SHANK2: variants seen among roughly 807,000 people sequenced by gnomAD.
SHANK2 encodes SH3 and multiple ankyrin repeat domains protein 2.
Under a neutral mutation model 133.7 loss-of-function variants are expected in SHANK2, and 43 were observed. The observed-to-expected ratio is 0.32, with a 90% CI of 0.25 to 0.41. The LOEUF (loss-of-function observed/expected upper bound fraction) is 0.41, where lower values mean the gene tolerates loss of function less well. Among genes scored for constraint, SHANK2 ranks in the 10% least tolerant of loss-of-function variants. The probability of loss-of-function intolerance (pLI) is 1.00; values close to 1 mark genes in which losing one functional copy is unlikely to be tolerated. For missense variants in SHANK2, 1,994 were observed against 2,235.8 expected (o/e 0.89, Z 2.18); for synonymous variants, 1,017 against 952.8 (o/e 1.07, Z -1.24).
At chr11:70,483,818 G>A (rs139884992) in intron 25 of SHANK2, among the ~76,000 whole-genome samples, 1 of 152,344 alleles carries the variant, frequency 6.6e-6, no homozygotes, top group East Asian at 1.9e-4. Context: ...AATGTCTGCA[G>A]TGTAACTGTG....
intron 6 of SHANK2, among the ~76,000 whole-genome samples, chr11:71,105,640 TCAGGGATGAAGAGGGGCA>T (rs1278155452): frequency 7.0e-6 from 1 of 142,092 alleles, no homozygotes; most frequent in African/African-American, 2.6e-5. Context: ...TGCCAGGGGC[TCAGGGATGAAGAGGGGCA>T]CAGAGGAGCT....
chr11:70,544,350 G>A (rs1565116025), intron 17 of SHANK2, among the ~76,000 whole-genome samples: 1 of 152,240 alleles, frequency 6.6e-6, no homozygotes, highest in Non-Finnish European at 1.5e-5. Flanking sequence ...CAAAGGTGGA[G>A]CCCCACGCGT....
chr11:70,525,683 C>T (rs373227412), intron 17 of SHANK2, among the ~76,000 whole-genome samples: 7 of 152,222 alleles, frequency 4.6e-5, no homozygotes, highest in Non-Finnish European at 8.8e-5. Context: ...CTGGCACCCC[C>T]GTAAACACAC....
chr11:70,785,693 A>G (rs945892315), intron 14 of SHANK2, among the ~76,000 whole-genome samples: 8 of 152,180 alleles, frequency 5.3e-5, no homozygotes, highest in Non-Finnish European at 7.3e-5. Flanking sequence ...TCAGGCTTCC[A>G]GGTGGTGCTG....
chr11:70,853,109 C>T (rs1044543723), intron 11 of SHANK2, among the ~76,000 whole-genome samples: 7 of 152,210 alleles, frequency 4.6e-5, no homozygotes, highest in Non-Finnish European at 7.3e-5. Context: ...ATTGGGTTTA[C>T]GGGAGACAGC....
rs1181837711 is a variant in SHANK2, at chr11:70,608,688, A to G, written c.2061+51140T>C. 2.6e-5 allele frequency among the ~76,000 whole-genome samples: 4 copies of G among 152,042 alleles called. 1 individual carries two copies. Among genetic ancestry groups the G allele is most frequent in the African/African-American group, 9.6e-5 (4 of 41,474 alleles). On this transcript the variant is annotated intron_variant, in intron 17 of 25. Coordinates refer to ENST00000601538, the MANE Select transcript of SHANK2 (RefSeq NM_012309.5). ...CAGGGCCTCTCTCCCTGCTTCACCC[A>G]CCTCGACACGGGGGTGAGGGCCACG...
At chr11:70,759,041 C>A (rs149159528) in intron 14 of SHANK2, among the ~76,000 whole-genome samples, 1,687 of 151,756 alleles carry the variant, frequency 0.011, 25 homozygotes, top group African/African-American at 0.039. Context: ...TGCCTGTAGT[C>A]CCAGCTACTC....
chr11:70,948,210 T>C (rs1555085815), intron 10 of SHANK2: 1 of 453,580 alleles, frequency 2.2e-6, no homozygotes, highest in African/African-American at 2.0e-5. Flanking sequence ...GCCAGCTCCG[T>C]ACCATTCCAC....
chr11:70,571,545 C>G (rs1175941158), intron 17 of SHANK2, among the ~76,000 whole-genome samples: 2 of 152,204 alleles, frequency 1.3e-5, no homozygotes, highest in Admixed American at 6.5e-5. Context: ...CCAGCAATAG[C>G]TGGCTGAGCT....
rs889591772 is a variant in SHANK2, at chr11:70,784,958, C to T, written c.1777+13485G>A. Among the ~76,000 whole-genome samples the T allele has an allele frequency of 7.9e-5, 12 of 152,246 alleles. No individual in the cohort carries two copies. The East Asian group carries it at 1.5e-3, about 20-fold the overall frequency. ...GGCTGAGCTGTCAGGGCCAGGGACACGAGGTGCCACTTTCAGCTTTTGGTC... is the reference window on the plus strand; with the variant it reads ...GGCTGAGCTGTCAGGGCCAGGGACATGAGGTGCCACTTTCAGCTTTTGGTC... On this transcript the variant is annotated intron_variant, in intron 14 of 25. Transcript: ENST00000601538.
At position 71,154,214 on chromosome 11, in the gene SHANK2, C is replaced by T. The variant is rs189728980; in HGVS notation, c.-12-6876G>A. Among the ~76,000 whole-genome samples the T allele has an allele frequency of 4.6e-5, 7 of 152,314 alleles. No individual in the cohort carries two copies. In the East Asian group the frequency reaches 1.4e-3, roughly 29 times the overall value. On this transcript the variant is annotated intron_variant, in intron 2 of 25. Coordinates refer to ENST00000601538, the MANE Select transcript of SHANK2 (RefSeq NM_012309.5). ...CCCGAGGCTCCCCTGGTGCCGTTTA[C>T]AGACATTTAAACTCGGGGTCAAACG...
chr11:70,648,244 G>A (rs1048529973), intron 17 of SHANK2, among the ~76,000 whole-genome samples: 1 of 152,178 alleles, frequency 6.6e-6, no homozygotes, highest in Non-Finnish European at 1.5e-5. Flanking sequence ...GGGGCTGGGA[G>A]GGAGATGGAG....
At chr11:71,066,359 G>A (rs1951064054) in intron 9 of SHANK2, among the ~76,000 whole-genome samples, 1 of 150,834 alleles carries the variant, frequency 6.6e-6, no homozygotes, top group South Asian at 2.1e-4. Context: ...AGTTGGGGGG[G>A]TGCAGAAGTC....
intron 15 of SHANK2, among the ~76,000 whole-genome samples, chr11:70,666,071 C>T (rs1944673211): frequency 6.6e-6 from 1 of 152,060 alleles, no homozygotes; most frequent in African/African-American, 2.4e-5. Context: ...CAGGGAGAAA[C>T]GGATGTTGGG....
At chr11:70,523,700 G>A (rs183711331) in intron 17 of SHANK2, among the ~76,000 whole-genome samples, 2 of 152,186 alleles carry the variant, frequency 1.3e-5, no homozygotes, top group African/African-American at 4.8e-5. Flanking sequence ...GTCAGGAGGC[G>A]CTCGCTGCTG....
At chr11:70,734,977 G>A (rs917062335) in intron 14 of SHANK2, among the ~76,000 whole-genome samples, 1 of 152,216 alleles carries the variant, frequency 6.6e-6, no homozygotes, top group East Asian at 1.9e-4. Flanking sequence ...CCCTGGAGAC[G>A]AGCGGGCCCA....
intron 1 of SHANK2, among the ~76,000 whole-genome samples, chr11:71,227,306 C>T (rs925367383): frequency 6.6e-6 from 1 of 151,810 alleles, no homozygotes; most frequent in African/African-American, 2.4e-5. Flanking sequence ...TTAAAAGATA[C>T]AATTAAATGA....
At chr11:71,231,219 C>T (rs1465379059) in intron 1 of SHANK2, among the ~76,000 whole-genome samples, 1 of 151,528 alleles carries the variant, frequency 6.6e-6, no homozygotes, top group East Asian at 1.9e-4. Context: ...TCTCAAAGCT[C>T]AACAGTTAAA....
At chr11:70,908,319 G>A (rs1950138838) in intron 10 of SHANK2, among the ~76,000 whole-genome samples, 1 of 152,138 alleles carries the variant, frequency 6.6e-6, no homozygotes. Flanking sequence ...GCTGTTGGCT[G>A]GAACACATCT....
Sources: gnomAD v4.1 joint callset for allele counts (sites outside exome capture counted in the v4.1 genomes callset) on GRCh38, gnomAD v4.1.1 for gene constraint, MANE v1.5 for transcripts, NCBI Gene and HGNC (gene_info 2026-07-23, HGNC 2026-07-21) for gene names.